The following FAM234A variants were observed in gnomAD, a reference collection of about 807,000 sequenced individuals.
FAM234A encodes family with sequence similarity 234 member A, also known as protein FAM234A.
FAM234A carries 42 observed loss-of-function variants against 49.1 expected under a neutral mutation model. That is an observed-to-expected ratio of 0.86 (90% CI 0.67 to 1.11). The LOEUF is 1.11. Among genes scored for constraint, FAM234A ranks in the 50% least tolerant of loss-of-function variants. The pLI, the probability that FAM234A is intolerant of heterozygous loss-of-function variation, is 0.00. For synonymous variants in FAM234A, 369 were observed against 316.2 expected, an observed-to-expected ratio of 1.17 and a Z score of -1.77; for missense variants, 815 against 745.2, an observed-to-expected ratio of 1.09 and a Z score of -1.09.
At chr16:266,208 CTGGGTCAGGG>C (rs1477993696), downstream of FAM234A, 4 of 708,644 alleles carry the variant, frequency 5.6e-6, no homozygotes, top group African/African-American at 7.8e-5. Flanking sequence ...GCTGGCCAGC[CTGGGTCAGGG>C]TGGGGAGGGC....
rs189557540 is a variant in FAM234A, at chr16:264,899, C to T, written c.1536C>T (p.Ile512=). The part of the protein sequence containing the change: ...DSEAPGLVSV[I]KHKVRDLVPS... ...AGGCACCCGGCCTGGTCTCTGTGATCAAGCACAAGGTGCGGGACCTTGTCC... is the reference window on the plus strand; with the variant it reads ...AGGCACCCGGCCTGGTCTCTGTGATTAAGCACAAGGTGCGGGACCTTGTCC... Residue 512 remains isoleucine (I), a synonymous_variant, in exon 13 of 13, where the codon ATC becomes ATT. Coordinates refer to ENST00000399932, the MANE Select transcript of FAM234A (RefSeq NM_032039.4). 11 of 1,613,058 alleles carry T rather than the reference C, an allele frequency of 6.8e-6. No homozygotes were observed. The East Asian group carries it at 1.8e-4, about 26-fold the overall frequency.
chr16:243,494 G>T (rs1001632063), intron 1 of FAM234A, among the ~76,000 whole-genome samples: 1 of 152,144 alleles, frequency 6.6e-6, no homozygotes, highest in Non-Finnish European at 1.5e-5. Context: ...TTTAATGACC[G>T]CAGTAGAGAA....
chr16:240,673 T>G (rs1456126486), intron 1 of FAM234A, among the ~76,000 whole-genome samples: 2 of 152,114 alleles, frequency 1.3e-5, no homozygotes, highest in Non-Finnish European at 2.9e-5. Context: ...GGCTAATTTT[T>G]GTACTTTTAG....
chr16:260,835 T>G, intron 5 of FAM234A: 1 of 370,092 alleles, frequency 2.7e-6, no homozygotes, highest in South Asian at 2.1e-5. Context: ...TTGGATGAGA[T>G]TGTATGTGCG....
intron 8 of FAM234A, 135 bp downstream of exon 8, chr16:262,688 G>T: frequency 1.2e-6 from 1 of 813,640 alleles, no homozygotes. Flanking sequence ...GTACCGCAAG[G>T]TCACCCTGGG....
At chr16:245,624 A>G (rs1190563737) in intron 1 of FAM234A, among the ~76,000 whole-genome samples, 1 of 152,164 alleles carries the variant, frequency 6.6e-6, no homozygotes, top group East Asian at 1.9e-4. Context: ...GTCTTGGGCC[A>G]CACATAAAGT....
chr16:268,743 C>G (rs773138294), downstream of FAM234A: 1 of 1,543,178 alleles, frequency 6.5e-7, no homozygotes, highest in Non-Finnish European at 8.7e-7. Flanking sequence ...TCGAGGCAGC[C>G]TCAGCACGGC....
At chr16:268,969 T>C (rs2051793292), downstream of FAM234A, 8 of 1,543,564 alleles carry the variant, frequency 5.2e-6, 1 homozygote, top group South Asian at 6.0e-5. Flanking sequence ...CCAGAGAAGG[T>C]GGAGCTCCCT....
chr16:268,074 A>G (rs967978361), downstream of FAM234A, among the ~76,000 whole-genome samples: 2 of 144,994 alleles, frequency 1.4e-5, no homozygotes, highest in African/African-American at 5.3e-5. Context: ...CACACATGCT[A>G]TGCGTACACA....
chr16:244,340 G>A (rs2050728381), intron 1 of FAM234A, among the ~76,000 whole-genome samples: 2 of 152,108 alleles, frequency 1.3e-5, no homozygotes, highest in South Asian at 4.1e-4. Flanking sequence ...AACATGCCAG[G>A]GGTTTGGCTC....
At chr16:267,540 C>G (rs8063745), downstream of FAM234A, among the ~76,000 whole-genome samples, 125 of 120,894 alleles carry the variant, frequency 1.0e-3, no homozygotes, top group African/African-American at 3.8e-3. Flanking sequence ...ACACACCACA[C>G]ATGCATGCCT....
At position 242,296 on chromosome 16, in the gene FAM234A, C is replaced by T. The variant is rs144298911; in HGVS notation, c.-139-7253C>T. Among the ~76,000 whole-genome samples, 16 of 152,246 alleles carry T rather than the reference C, an allele frequency of 1.1e-4. 1 individual carries two copies. The highest frequency in any genetic ancestry group is 4.1e-4 in the South Asian group (2 of 4,824). On this transcript the variant is annotated intron_variant, in intron 1 of 12. Coordinates refer to ENST00000399932, the MANE Select transcript of FAM234A (RefSeq NM_032039.4). ...GTAGTACGATCTTGGCTCACCACAT[C>T]CCCTACCTCCCAGGCTGAAGTGATT...
chr16:268,726 A>G, downstream of FAM234A: 1 of 1,531,414 alleles, frequency 6.5e-7, no homozygotes, highest in Non-Finnish European at 8.8e-7. Context: ...TCCGGAAGGC[A>G]GTGACCTCGA....
chr16:265,349 A>G lies in FAM234A; in HGVS notation c.*327A>G. On this transcript the variant is annotated 3_prime_UTR_variant, in exon 13 of 13. Transcript: ENST00000399932. The stretch of plus-strand genomic sequence containing the variant: ...CACCTTGGGCAGAGCTGGGTCATGC[A>G]GCACCCCATCCTTACCCGGTGCCCT... 8.9e-7 allele frequency: 1 copy of G among 1,127,360 alleles called. No individual in the cohort carries two copies. The highest frequency in any genetic ancestry group is 1.1e-6 in the Non-Finnish European group (1 of 919,300). The allele number at this position is 1,127,360 out of a possible 1,614,324, so 69.8% of individuals were successfully genotyped here.
chr16:257,707 TG>T (rs2051291360), intron 3 of FAM234A, among the ~76,000 whole-genome samples: 1 of 152,112 alleles, frequency 6.6e-6, no homozygotes, highest in East Asian at 1.9e-4. Context: ...AACTTCATGC[TG>T]GGCGCAGTGG....
chr16:244,683 T>C (rs900468947), intron 1 of FAM234A, among the ~76,000 whole-genome samples: 1 of 76,190 alleles, frequency 1.3e-5, no homozygotes, highest in East Asian at 5.9e-4. Flanking sequence ...TGGTAACCTC[T>C]TTTTTTTTTT....
Position 264,619 on chromosome 16 carries a change from CGGGGAGGCCCG to C in FAM234A, c.1352_1362del (p.Gly451AlafsTer28). ...ATTGCTGGTTCTCGCTCCAGGAGACCGGGGAGGCCCGGCACAGCCTGTACATGTTCCACCCC... is the reference window on the plus strand; with the variant it reads ...ATTGCTGGTTCTCGCTCCAGGAGACCGCACAGCCTGTACATGTTCCACCCC... On this transcript the variant is annotated frameshift_variant, in exon 12 of 13. Transcript: ENST00000399932. LOFTEE classifies it high-confidence loss of function. 6.2e-7 allele frequency: 1 copy of C among 1,608,304 alleles called. No homozygotes were observed. Among genetic ancestry groups the C allele is most frequent in the East Asian group, 2.2e-5 (1 of 44,880 alleles).
intron 1 of FAM234A, among the ~76,000 whole-genome samples, chr16:241,442 AC>A (rs2050608786): frequency 6.6e-6 from 1 of 152,084 alleles, no homozygotes; most frequent in East Asian, 1.9e-4. Flanking sequence ...GATTAGCTGA[AC>A]AAAAATTAGC....
chr16:269,369 G>A (rs920288556), downstream of FAM234A: 10 of 1,602,962 alleles, frequency 6.2e-6, no homozygotes, highest in South Asian at 3.3e-5. Context: ...TGGCCTCCAC[G>A]TAAACGGGAA....
Sources: allele counts gnomAD v4.1 joint callset (sites outside exome capture counted in the v4.1 genomes callset), GRCh38; gene constraint gnomAD v4.1.1; transcripts MANE v1.5; gene names NCBI Gene and HGNC (gene_info 2026-07-23, HGNC 2026-07-21).